Variants in ZNF469 observed in about 807,000 individuals in gnomAD.
ZNF469 encodes zinc finger protein 469.
Under a neutral mutation model 1.0 loss-of-function variants are expected in ZNF469, and 1 was observed. The observed-to-expected ratio is 1.00, with a 90% confidence interval of 0.35 to 4.73. The LOEUF is 4.73. ZNF469 is among the 30% of genes most tolerant of loss of function. The probability of loss-of-function intolerance (pLI) is 0.16; values close to 1 mark genes in which losing one functional copy is unlikely to be tolerated. For missense variants in ZNF469, 6,100 were observed against 5,356.3 expected (o/e 1.14, Z -4.33); for synonymous variants, 2,703 against 2,363.4 (o/e 1.14, Z -4.17).
the ZNF469 span, among the ~76,000 whole-genome samples, chr16:88,128,405 T>C: frequency 6.6e-6 from 1 of 152,246 alleles, no homozygotes. Flanking sequence ...ATGTTCATAA[T>C]AACCAACTGG....
chr16:88,407,261 G>A (rs1003138223), intron 1 of ZNF469, among the ~76,000 whole-genome samples: 5 of 152,344 alleles, frequency 3.3e-5, no homozygotes, highest in East Asian at 1.9e-4. Flanking sequence ...TCTCAGCTGC[G>A]TCCACACTTC....
intron 1 of ZNF469, among the ~76,000 whole-genome samples, chr16:88,401,480 TGG>T (rs1904853148): frequency 6.6e-6 from 1 of 152,108 alleles, no homozygotes; most frequent in East Asian, 1.9e-4. Flanking sequence ...GATGGATGGA[TGG>T]ATGGATGGAT....
At chr16:88,419,654 C>T (rs753358953) in intron 1 of ZNF469, among the ~76,000 whole-genome samples, 4 of 152,178 alleles carry the variant, frequency 2.6e-5, no homozygotes, top group East Asian at 1.9e-4. Flanking sequence ...CCCCTTGAAG[C>T]GCCGTCTGCC....
chr16:88,222,130 C>T, the ZNF469 span, among the ~76,000 whole-genome samples: 3 of 152,152 alleles, frequency 2.0e-5, no homozygotes, highest in African/African-American at 7.2e-5. Flanking sequence ...TACTCTCATC[C>T]GCAGCTGAAA....
chr16:88,257,955 C>T, the ZNF469 span, among the ~76,000 whole-genome samples: 1 of 152,224 alleles, frequency 6.6e-6, no homozygotes, highest in Non-Finnish European at 1.5e-5. Context: ...CCAGAAGCTC[C>T]TTTCAGTCTG....
chr16:88,230,321 G>A, the ZNF469 span, among the ~76,000 whole-genome samples: 6 of 152,226 alleles, frequency 3.9e-5, no homozygotes, highest in South Asian at 2.1e-4. Flanking sequence ...TTGCTGAGGC[G>A]GCCTCTGGCC....
the ZNF469 span, among the ~76,000 whole-genome samples, chr16:88,151,462 A>G: frequency 6.6e-6 from 1 of 152,220 alleles, no homozygotes; most frequent in African/African-American, 2.4e-5. The surrounding 1 kb of genome is among the most constrained non-coding windows in gnomAD (Gnocchi z 5.4). Flanking sequence ...CCTGCTTCCA[A>G]CCAATTTCGC....
chr16:88,337,650 G>A, the ZNF469 span, among the ~76,000 whole-genome samples: 1 of 152,148 alleles, frequency 6.6e-6, no homozygotes, highest in Admixed American at 6.5e-5. Context: ...CGAGGACTCT[G>A]GTCCTCTGCA....
At chr16:88,120,973 G>C in the ZNF469 span, among the ~76,000 whole-genome samples, 3 of 152,080 alleles carry the variant, frequency 2.0e-5, no homozygotes, top group South Asian at 2.1e-4. Flanking sequence ...TTCTAGAAAG[G>C]CCTCACCATA....
chr16:88,144,844 C>T, the ZNF469 span, among the ~76,000 whole-genome samples: 2 of 149,396 alleles, frequency 1.3e-5, no homozygotes, highest in Non-Finnish European at 2.9e-5. Flanking sequence ...CTGTTTTTGC[C>T]CCCCTTTTTT....
At chr16:88,402,021 T>C (rs1484682237) in intron 1 of ZNF469, among the ~76,000 whole-genome samples, 1 of 148,126 alleles carries the variant, frequency 6.8e-6, no homozygotes, top group Non-Finnish European at 1.5e-5. Context: ...GATAGATATG[T>C]GGGTGGATGG....
At chr16:88,312,078 G>A in the ZNF469 span, among the ~76,000 whole-genome samples, 9 of 152,218 alleles carry the variant, frequency 5.9e-5, no homozygotes, top group Non-Finnish European at 5.9e-5. Flanking sequence ...AGCTGGCAAA[G>A]AGAGAATGAA....
At chr16:88,183,468 C>T in the ZNF469 span, among the ~76,000 whole-genome samples, 2 of 152,202 alleles carry the variant, frequency 1.3e-5, no homozygotes, top group East Asian at 1.9e-4. Context: ...AAGGGCGGGA[C>T]GCTGGTGCCA....
chr16:88,224,659 G>A, the ZNF469 span, among the ~76,000 whole-genome samples: 1 of 152,208 alleles, frequency 6.6e-6, no homozygotes, highest in Non-Finnish European at 1.5e-5. Flanking sequence ...GGCTCGCAGG[G>A]TCGGAGCCCG....
At chr16:88,363,886 G>T in the ZNF469 span, among the ~76,000 whole-genome samples, 2 of 152,182 alleles carry the variant, frequency 1.3e-5, no homozygotes, top group African/African-American at 4.8e-5. Context: ...CATGCAGGCT[G>T]GTCTGGAAGG....
chr16:88,111,497 TTCTG>T, the ZNF469 span, among the ~76,000 whole-genome samples: 2 of 112,104 alleles, frequency 1.8e-5, no homozygotes, highest in South Asian at 3.3e-4. Flanking sequence ...TATGCATTTC[TTCTG>T]TCTTTTTGTA....
At chr16:88,336,712 C>T in the ZNF469 span, among the ~76,000 whole-genome samples, 1 of 152,230 alleles carries the variant, frequency 6.6e-6, no homozygotes, top group East Asian at 1.9e-4. Context: ...ACATGAGACA[C>T]TGACACGCCA....
intron 1 of ZNF469, among the ~76,000 whole-genome samples, chr16:88,406,757 C>G (rs1240084193): frequency 1.3e-5 from 2 of 152,174 alleles, no homozygotes; most frequent in Non-Finnish European, 2.9e-5. Context: ...ATAGAGGTGG[C>G]TTTTCTTTGC....
chr16:88,380,814 CCAGA>C (rs1465111544), upstream of ZNF469, among the ~76,000 whole-genome samples: 3 of 86,300 alleles, frequency 3.5e-5, no homozygotes, highest in Non-Finnish European at 6.8e-5. Flanking sequence ...GCACACACAC[CCAGA>C]CACACACACA....
Sources: gnomAD v4.1 joint callset for allele counts (sites outside exome capture counted in the v4.1 genomes callset) on GRCh38, gnomAD v4.1.1 for gene constraint, Gnocchi (gnomAD v3.1) non-coding constraint, MANE v1.5 for transcripts, NCBI Gene and HGNC (gene_info 2026-07-23, HGNC 2026-07-21) for gene names.